HIVEP2: variants seen among roughly 807,000 people sequenced by gnomAD.
HIVEP2 encodes transcription factor HIVEP2.
Under a neutral mutation model 180.7 loss-of-function variants are expected in HIVEP2, and 14 were observed. The ratio of observed to expected loss-of-function variants is 0.08; its 90% confidence interval spans 0.05 to 0.12. HIVEP2 has a LOEUF of 0.12. HIVEP2 is among the 10% of genes least tolerant of loss of function. HIVEP2 has a pLI of 1.00. For synonymous variants in HIVEP2, 1,184 were observed against 1,136.4 expected (o/e 1.04, Z -0.84); for missense variants, 2,579 against 3,008.5 (o/e 0.86, Z 3.34).
intron 1 of HIVEP2, among the ~76,000 whole-genome samples, chr6:142,841,574 T>A (rs1775365631): frequency 6.6e-6 from 1 of 152,164 alleles, no homozygotes; most frequent in South Asian, 2.1e-4. Flanking sequence ...TGAGTATATG[T>A]GGGAAATTTT....
chr6:142,844,293 C>T (rs1016892119), intron 1 of HIVEP2, among the ~76,000 whole-genome samples: 1 of 147,310 alleles, frequency 6.8e-6, no homozygotes, highest in African/African-American at 2.5e-5. Context: ...AATCTCTAAA[C>T]TTTTTTTTTT....
chr6:142,753,846 A>C lies in HIVEP2; in HGVS notation c.6602T>G (p.Leu2201Arg). The part of the protein sequence containing the change: ...EGAYEHPGSS[L>R]FPEGPNDYVF... ...ATAGTCATTAGGACCCTCAGGGAAA[A>C]GGCTGGAGCCTGGATGTTCATAAGC... Residue 2201 changes from leucine (L) to arginine (R), a missense_variant, in exon 10 of 10, where the codon CTT (leucine) becomes CGT (arginine). Coordinates refer to ENST00000367603, the MANE Select transcript of HIVEP2 (RefSeq NM_006734.4). The C allele has an allele frequency of 6.2e-7, 1 of 1,613,760 alleles. No homozygotes were observed. Among genetic ancestry groups the C allele is most frequent in the Non-Finnish European group, 8.5e-7 (1 of 1,179,660 alleles).
chr6:142,794,617 T>G (rs1425542492), intron 2 of HIVEP2, among the ~76,000 whole-genome samples: 4 of 152,222 alleles, frequency 2.6e-5, no homozygotes, highest in Non-Finnish European at 4.4e-5. Context: ...TATATTATCT[T>G]TGAGCTATGG....
chr6:142,806,264 A>G (rs1016286097), intron 2 of HIVEP2, among the ~76,000 whole-genome samples: 1 of 152,192 alleles, frequency 6.6e-6, no homozygotes, highest in African/African-American at 2.4e-5. Flanking sequence ...GAAACCATAA[A>G]TGATAGAGTG....
intron 1 of HIVEP2, among the ~76,000 whole-genome samples, chr6:142,868,474 C>A (rs930077688): frequency 1.3e-5 from 2 of 152,128 alleles, no homozygotes; most frequent in Non-Finnish European, 2.9e-5. Flanking sequence ...TCTCCTTATG[C>A]TAAAATGTCC....
chr6:142,761,665 T>G (rs1366208896), intron 7 of HIVEP2, 100 bp from the exon 8 acceptor site: 4 of 759,312 alleles, frequency 5.3e-6, no homozygotes, highest in Non-Finnish European at 9.5e-6. Context: ...CTAATTTTAT[T>G]AAATTCATCA....
At chr6:142,937,135 C>T (rs1778077221) in intron 1 of HIVEP2, among the ~76,000 whole-genome samples, 1 of 152,190 alleles carries the variant, frequency 6.6e-6, no homozygotes, top group Non-Finnish European at 1.5e-5. Flanking sequence ...ATTTAGTTCA[C>T]TTCATTGGCA....
rs57458259 is a variant in HIVEP2 at position 142,785,309 on chromosome 6, C to CAAAAAAAAAAAAAAAAAAAAAA, written c.-527-1716_-527-1695dup. Among the ~76,000 whole-genome samples, 5 of 65,392 alleles carry CAAAAAAAAAAAAAAAAAAAAAA rather than the reference C, an allele frequency of 7.6e-5. 1 individual carries two copies. The highest frequency in any genetic ancestry group is 1.5e-4 in the African/African-American group (3 of 20,548). 42.9% of individuals were successfully genotyped at this position (65,392 alleles called of 152,430 possible). A position where few individuals can be genotyped will look rare whatever the true frequency, so the allele number is the denominator to read the frequency against. On this transcript the variant is annotated intron_variant, in intron 2 of 9. Transcript: ENST00000367603. ...GGCTAAAGTAAAGCATGGCATTCCT[C>CAAAAAAAAAAAAAAAAAAAAAA]AAAAAAAAAAAAAAAAAAAAAAAAA... is the stretch of plus-strand genomic sequence containing the variant.
At chr6:142,815,650 T>A (rs574092507) in intron 2 of HIVEP2, among the ~76,000 whole-genome samples, 1 of 152,338 alleles carries the variant, frequency 6.6e-6, no homozygotes, top group Admixed American at 6.5e-5. Flanking sequence ...TTAATATTAA[T>A]AATGATAACT....
At chr6:142,786,458 GT>G (rs1329391286) in intron 2 of HIVEP2, among the ~76,000 whole-genome samples, 1 of 152,088 alleles carries the variant, frequency 6.6e-6, no homozygotes, top group Non-Finnish European at 1.5e-5. Flanking sequence ...ATACAAGATG[GT>G]TTTTCTGTCA....
intron 1 of HIVEP2, among the ~76,000 whole-genome samples, chr6:142,931,284 A>T (rs1041822379): frequency 1.3e-5 from 2 of 151,688 alleles, no homozygotes; most frequent in Non-Finnish European, 3.0e-5. Flanking sequence ...CTATCTATAT[A>T]GTGCCTTACA....
intron 6 of HIVEP2, among the ~76,000 whole-genome samples, chr6:142,766,510 T>C (rs1310403278): frequency 1.3e-5 from 2 of 152,220 alleles, no homozygotes; most frequent in Non-Finnish European, 2.9e-5. Flanking sequence ...CTAAAACAAA[T>C]ACTTTTGTAC....
chr6:142,851,194 C>T (rs1032112391), intron 1 of HIVEP2, among the ~76,000 whole-genome samples: 2 of 152,186 alleles, frequency 1.3e-5, no homozygotes, highest in African/African-American at 4.8e-5. Context: ...AGCCTGGAAT[C>T]AATAAGGCCT....
chr6:142,925,974 G>A (rs772146018), intron 1 of HIVEP2, among the ~76,000 whole-genome samples: 1 of 152,168 alleles, frequency 6.6e-6, no homozygotes, highest in Non-Finnish European at 1.5e-5. Context: ...AACCAGGGAC[G>A]TAATCACAAT....
Position 142,772,161 on chromosome 6 carries a change from C to T in HIVEP2, c.2578G>A (p.Gly860Arg), listed in dbSNP as rs371220575. ...TGCTGAGATGGAGAGGGTTTCCCCC[C>T]ACTTTCTGCACCATCCCCAGGTGGA... is the stretch of plus-strand genomic sequence containing the variant. ...WAPPGDGAESGGKPSPSQQVQ... is the reference protein window; with the variant it reads ...WAPPGDGAESRGKPSPSQQVQ... Residue 860 changes from glycine (G) to arginine (R), a missense_variant, in exon 5 of 10, where the codon GGG (glycine) becomes AGG (arginine). Around this residue, in one of 11 missense-constraint regions of HIVEP2, gnomAD observed 524 missense variants for 563.6 expected, o/e 0.93. Coordinates refer to ENST00000367603, the MANE Select transcript of HIVEP2 (RefSeq NM_006734.4). The surrounding 1 kb of genome is among the most constrained non-coding windows in gnomAD (Gnocchi z 4.9). 179 of 1,614,080 alleles carry T rather than the reference C, an allele frequency of 1.1e-4. No homozygotes were observed. Among genetic ancestry groups the T allele is most frequent in the Admixed American group, 2.0e-4 (12 of 60,012 alleles).
chr6:142,809,427 T>C (rs1023596932), intron 2 of HIVEP2, among the ~76,000 whole-genome samples: 6 of 152,182 alleles, frequency 3.9e-5, no homozygotes, highest in Non-Finnish European at 7.3e-5. Context: ...ATGTAACTAC[T>C]GCCCCCGTGT....
intron 1 of HIVEP2, among the ~76,000 whole-genome samples, chr6:142,886,171 G>A (rs1315281660): frequency 1.3e-5 from 2 of 152,090 alleles, no homozygotes; most frequent in Non-Finnish European, 1.5e-5. Context: ...ACTAAATATG[G>A]TATCTTATAC....
chr6:142,924,337 C>G (rs1447580462), intron 1 of HIVEP2, among the ~76,000 whole-genome samples: 1 of 152,126 alleles, frequency 6.6e-6, no homozygotes, highest in Non-Finnish European at 1.5e-5. Context: ...AGCACCCGTG[C>G]TCTGAGCAAC....
At chr6:142,869,907 C>A (rs144450597) in intron 1 of HIVEP2, among the ~76,000 whole-genome samples, 3 of 151,940 alleles carry the variant, frequency 2.0e-5, no homozygotes, top group Admixed American at 1.3e-4. Flanking sequence ...TGTTCATTAC[C>A]TTCCTTCTTA....
Sources: allele counts gnomAD v4.1 joint callset (sites outside exome capture counted in the v4.1 genomes callset), GRCh38; gene constraint gnomAD v4.1.1; regional missense constraint gnomAD v4.1.1; non-coding constraint Gnocchi (gnomAD v3.1); transcripts MANE v1.5; gene names NCBI Gene and HGNC (gene_info 2026-07-23, HGNC 2026-07-21).